Variants in PHF24 observed in about 807,000 individuals in gnomAD.
PHF24 encodes Galpha inhibitory interacting protein.
In PHF24, 25 loss-of-function variants were observed where a neutral mutation model predicts 42.6. The observed-to-expected ratio is 0.59, with a 90% CI of 0.43 to 0.82. PHF24 has a LOEUF of 0.82. PHF24 is among the 40% of genes least tolerant of loss of function. The pLI is 0.00. For missense variants in PHF24, 470 were observed against 538.1 expected, an observed-to-expected ratio of 0.87 and a Z score of 1.25; for synonymous variants, 185 against 204.8, an observed-to-expected ratio of 0.90 and a Z score of 0.83.
At chr9:34,729,706 T>C in the PHF24 span, among the ~76,000 whole-genome samples, 2 of 152,218 alleles carry the variant, frequency 1.3e-5, no homozygotes, top group Non-Finnish European at 1.5e-5. Flanking sequence ...TTCCACTCCC[T>C]ATACCAGCCT....
the PHF24 span, among the ~76,000 whole-genome samples, chr9:34,712,524 T>G: frequency 2.5e-3 from 384 of 152,304 alleles, 3 homozygotes; most frequent in African/African-American, 8.7e-3. Flanking sequence ...CTTTTTTTTC[T>G]GCTTAAATTA....
Position 34,963,514 on chromosome 9 carries a change from A to G in PHF24, c.-5+5113A>G, listed in dbSNP as rs554942891. The stretch of plus-strand genomic sequence containing the variant: ...AAATTTTTCACTTGTATGTGCAGAT[A>G]CTGCTCGTGCTAAATTTCAAACCCA... On this transcript the variant is annotated intron_variant, in intron 1 of 7. Coordinates refer to ENST00000242315, the Ensembl canonical transcript of PHF24. 1.3e-5 allele frequency among the ~76,000 whole-genome samples: 2 copies of G among 152,270 alleles called. 1 individual carries two copies. Among genetic ancestry groups the G allele is most frequent in the South Asian group, 4.1e-4 (2 of 4,826 alleles).
chr9:34,839,550 G>A, the PHF24 span, among the ~76,000 whole-genome samples: 1 of 152,224 alleles, frequency 6.6e-6, no homozygotes, highest in East Asian at 1.9e-4. Context: ...TTCTTAGAAG[G>A]TGTTGCCCTG....
At chr9:34,835,623 G>A in the PHF24 span, 6 of 1,551,684 alleles carry the variant, frequency 3.9e-6, no homozygotes, top group Admixed American at 3.9e-5. Flanking sequence ...CCCTTGGCTT[G>A]TCAAGCCTTG....
chr9:34,863,092 C>T, the PHF24 span, among the ~76,000 whole-genome samples: 421 of 151,968 alleles, frequency 2.8e-3, 3 homozygotes, highest in Non-Finnish European at 4.7e-3. Context: ...GGTTTGGGTG[C>T]CTGCTCAGCC....
chr9:34,941,309 G>A, the PHF24 span, among the ~76,000 whole-genome samples: 1 of 152,294 alleles, frequency 6.6e-6, no homozygotes, highest in Middle Eastern at 3.4e-3. Context: ...CCTGGATGAT[G>A]CTATGTGTGA....
the PHF24 span, chr9:34,837,042 A>G: frequency 4.2e-6 from 2 of 470,970 alleles, no homozygotes; most frequent in Non-Finnish European, 4.4e-6. Context: ...TGGTGTTTAG[A>G]GACTGCAAAC....
chr9:34,748,615 A>G, the PHF24 span, among the ~76,000 whole-genome samples: 13 of 152,340 alleles, frequency 8.5e-5, no homozygotes, highest in African/African-American at 2.9e-4. Flanking sequence ...TCTTAGCCAT[A>G]GAGTTACCAA....
the PHF24 span, among the ~76,000 whole-genome samples, chr9:34,926,614 G>A: frequency 6.6e-6 from 1 of 152,232 alleles, no homozygotes; most frequent in East Asian, 1.9e-4. The surrounding 1 kb of genome is among the most constrained non-coding windows in gnomAD (Gnocchi z 4.3). Context: ...ACCAGAGGTG[G>A]CCTGTGGGGC....
chr9:34,788,763 C>T, the PHF24 span, among the ~76,000 whole-genome samples: 87 of 152,198 alleles, frequency 5.7e-4, 1 homozygote, highest in African/African-American at 1.8e-3. Flanking sequence ...AAATCTCACA[C>T]GCCAGAGACC....
At chr9:34,882,367 A>G in the PHF24 span, among the ~76,000 whole-genome samples, 1 of 152,192 alleles carries the variant, frequency 6.6e-6, no homozygotes, top group African/African-American at 2.4e-5. Context: ...GGCCAGGGCA[A>G]TCAGGCAGGA....
chr9:34,677,729 CAG>C, the PHF24 span, among the ~76,000 whole-genome samples: 3 of 152,128 alleles, frequency 2.0e-5, no homozygotes, highest in African/African-American at 2.4e-5. Context: ...TGTTACTCCT[CAG>C]ATTAAATCTT....
the PHF24 span, among the ~76,000 whole-genome samples, chr9:34,752,725 C>T: frequency 7.9e-5 from 12 of 152,242 alleles, no homozygotes; most frequent in East Asian, 2.1e-3. Flanking sequence ...CAGACAAAGA[C>T]ACATCAAAAA....
the PHF24 span, among the ~76,000 whole-genome samples, chr9:34,898,822 C>T: frequency 3.9e-5 from 6 of 152,166 alleles, no homozygotes; most frequent in African/African-American, 1.4e-4. Context: ...CTGCTTCTGC[C>T]AGTGCACTAC....
the PHF24 span, among the ~76,000 whole-genome samples, chr9:34,677,247 G>A: frequency 6.6e-6 from 1 of 151,978 alleles, no homozygotes; most frequent in East Asian, 1.9e-4. Context: ...AGTCCATATT[G>A]GATTCCTCTT....
chr9:34,666,634 G>A, the PHF24 span, among the ~76,000 whole-genome samples: 1 of 150,724 alleles, frequency 6.6e-6, no homozygotes, highest in African/African-American at 2.4e-5. Flanking sequence ...CACTGTGCTG[G>A]GCATGGGGAT....
At chr9:34,910,057 A>G in the PHF24 span, among the ~76,000 whole-genome samples, 8 of 152,330 alleles carry the variant, frequency 5.3e-5, no homozygotes, top group African/African-American at 1.4e-4. Context: ...TTTAAATTGT[A>G]TCACTTATAA....
the PHF24 span, chr9:34,835,537 A>G: frequency 6.4e-7 from 1 of 1,551,736 alleles, no homozygotes. Flanking sequence ...AGACCTGGAA[A>G]TTCAAGTGAT....
the PHF24 span, among the ~76,000 whole-genome samples, chr9:34,842,504 C>G: frequency 1.3e-5 from 2 of 152,108 alleles, no homozygotes; most frequent in African/African-American, 4.8e-5. Context: ...AACCTCTGCC[C>G]TCATGAATGG....
Sources: gnomAD v4.1 joint callset for allele counts (sites outside exome capture counted in the v4.1 genomes callset) on GRCh38, gnomAD v4.1.1 for gene constraint, Gnocchi (gnomAD v3.1) non-coding constraint, MANE v1.5 for transcripts, NCBI Gene and HGNC (gene_info 2026-07-23, HGNC 2026-07-21) for gene names.